The following RGS5 variants were observed in gnomAD, a reference collection of about 807,000 sequenced individuals.
The protein encoded by RGS5 is regulator of G protein signaling 5, also known as regulator of G-protein signalling 5.
A neutral mutation model predicts 18.9 loss-of-function variants in RGS5; 20 were observed. The observed-to-expected ratio is 1.06, with a 90% confidence interval of 0.74 to 1.54. RGS5 has a LOEUF of 1.54. Ranked by LOEUF, RGS5 falls within the 40% of genes most tolerant of loss-of-function variation. The probability of loss-of-function intolerance (pLI) is 0.00; values close to 1 mark genes in which losing one functional copy is unlikely to be tolerated. For missense variants in RGS5, 201 were observed against 211.8 expected (o/e 0.95, Z 0.32); for synonymous variants, 57 against 76.2 (o/e 0.75, Z 1.31).
At chr1:163,197,236 G>T (rs1659594532) in intron 1 of RGS5, among the ~76,000 whole-genome samples, 1 of 152,180 alleles carries the variant, frequency 6.6e-6, no homozygotes, top group Admixed American at 6.5e-5. Flanking sequence ...AATTGGCTGT[G>T]CCCGCCCATC....
chr1:163,144,911 T>G lies in RGS5; in HGVS notation c.*2431A>C, dbSNP rs1284311923. 6.6e-6 allele frequency: 1 copy of G among 152,268 alleles called. No homozygotes were observed. The highest frequency in any genetic ancestry group is 2.4e-5 in the African/African-American group (1 of 41,434). The allele number at this position is 152,268 out of a possible 1,614,324, so 9.4% of individuals were successfully genotyped here. On this transcript the variant is annotated 3_prime_UTR_variant, in exon 5 of 5. Coordinates refer to ENST00000313961, the MANE Select transcript of RGS5 (RefSeq NM_003617.4). ...ATTCTTTTTAATTTTTTTACTTCAT[T>G]TATTAGAAGAGTTTCTAATATGTGT... is the stretch of plus-strand genomic sequence containing the variant.
At chr1:163,256,065 C>G (rs1466775618) in intron 2 of RGS5, among the ~76,000 whole-genome samples, 1 of 152,170 alleles carries the variant, frequency 6.6e-6, no homozygotes, top group Admixed American at 6.5e-5. Flanking sequence ...CAGGGATGCC[C>G]TCTCTCACCA....
intron 2 of RGS5, among the ~76,000 whole-genome samples, chr1:163,299,358 G>C (rs938526528): frequency 3.9e-5 from 6 of 152,016 alleles, no homozygotes; most frequent in Non-Finnish European, 8.8e-5. Context: ...AAATTTTGAG[G>C]GCTTCAGCCA....
chr1:163,162,644 A>G (rs1657855584), intron 2 of RGS5: 1 of 152,118 alleles, frequency 6.6e-6, no homozygotes, highest in Non-Finnish European at 1.5e-5. Flanking sequence ...GGAATGTTAT[A>G]CACAAATGCT....
intron 2 of RGS5, among the ~76,000 whole-genome samples, chr1:163,226,017 T>C (rs953681946): frequency 1.3e-5 from 2 of 151,446 alleles, no homozygotes; most frequent in Non-Finnish European, 2.9e-5. Flanking sequence ...ACCTCCCGGG[T>C]TCAAAGTATT....
At position 163,179,399 on chromosome 1, in the gene RGS5, T is replaced by C. The variant is rs535645616; in HGVS notation, c.45-11031A>G. On this transcript the variant is annotated intron_variant, in intron 1 of 4. Transcript: ENST00000313961. Reference sequence around the variant, plus strand: ...AACACTAATATTAGTGCCCAGCACATGTACTATGGTACTCCATAAGTGGCA... The same window carrying C: ...AACACTAATATTAGTGCCCAGCACACGTACTATGGTACTCCATAAGTGGCA... Among the ~76,000 whole-genome samples the C allele has an allele frequency of 2.0e-5, 3 of 152,370 alleles. No homozygotes were observed. In the South Asian group the frequency reaches 6.2e-4, roughly 32 times the overall value.
intron 1 of RGS5, among the ~76,000 whole-genome samples, chr1:163,209,932 C>T (rs1660061426): frequency 6.6e-6 from 1 of 151,914 alleles, no homozygotes; most frequent in Admixed American, 6.6e-5. Context: ...AGTGTTTCCT[C>T]AATAAGTATG....
chr1:163,242,256 C>A (rs565475756), intron 2 of RGS5, among the ~76,000 whole-genome samples: 1 of 152,198 alleles, frequency 6.6e-6, no homozygotes, highest in East Asian at 1.9e-4. Flanking sequence ...ACATTTTGGC[C>A]ATTTCATAGC....
intron 1 of RGS5, among the ~76,000 whole-genome samples, chr1:163,177,648 T>A (rs1391825106): frequency 1.3e-5 from 2 of 152,152 alleles, no homozygotes; most frequent in Non-Finnish European, 2.9e-5. Context: ...TTCCTTAATC[T>A]AGGTGCAAGG....
At chr1:163,267,637 G>A (rs987899349) in intron 2 of RGS5, among the ~76,000 whole-genome samples, 1 of 152,120 alleles carries the variant, frequency 6.6e-6, no homozygotes, top group African/African-American at 2.4e-5. Flanking sequence ...CTCCTATTGT[G>A]AGTCTGCTCC....
At chr1:163,153,290 A>G (rs1657451248) in intron 3 of RGS5, among the ~76,000 whole-genome samples, 1 of 152,194 alleles carries the variant, frequency 6.6e-6, no homozygotes, top group African/African-American at 2.4e-5. Context: ...TGGAGCTTAT[A>G]GATTCTGGAA....
intron 2 of RGS5, among the ~76,000 whole-genome samples, chr1:163,299,630 G>T (rs1237354144): frequency 6.6e-6 from 1 of 152,232 alleles, no homozygotes. Flanking sequence ...ATGTGAACGT[G>T]CTGCTGCTTT....
At chr1:163,306,582 G>C (rs1165329982) in intron 1 of RGS5, among the ~76,000 whole-genome samples, 4 of 152,164 alleles carry the variant, frequency 2.6e-5, no homozygotes, top group African/African-American at 4.8e-5. Flanking sequence ...TCCTCTAAAA[G>C]AGATATGTTG....
intron 2 of RGS5, among the ~76,000 whole-genome samples, chr1:163,263,904 T>G (rs1015200292): frequency 6.6e-6 from 1 of 151,346 alleles, no homozygotes; most frequent in Non-Finnish European, 1.5e-5. Context: ...CTGACATTTT[T>G]GTCCAGGTGT....
rs1044247757 is a variant in RGS5, at chr1:163,161,917, T to C, written c.215A>G (p.Asn72Ser). The change falls in exon 3 of 5, where the codon AAC becomes AGC. Residue 72 changes from asparagine to serine, a missense_variant and splice_region_variant. Asn to Ser is a conservative substitution (Grantham distance 46). Transcript: ENST00000313961. Reference protein sequence around the residue: ...RDSLDKLLQNNYGLASFKSFL... With the variant: ...RDSLDKLLQNSYGLASFKSFL... ...AAAAACAAACAATGGAAACTTACAGTTGTTCTGCAGGAGTTTGTCCAGGGA... is the reference window on the plus strand; with the variant it reads ...AAAAACAAACAATGGAAACTTACAGCTGTTCTGCAGGAGTTTGTCCAGGGA... 6.2e-7 allele frequency: 1 copy of C among 1,612,582 alleles called. No individual in the cohort carries two copies. Among genetic ancestry groups the C allele is most frequent in the African/African-American group, 1.3e-5 (1 of 74,876 alleles).
rs1322892093 is a variant in RGS5 at position 163,146,391 on chromosome 1, T to C, written c.*951A>G. 6.6e-6 allele frequency: 1 copy of C among 152,168 alleles called. No individual in the cohort carries two copies. The highest frequency in any genetic ancestry group is 2.4e-5 in the African/African-American group (1 of 41,442). The allele number at this position is 152,168 out of a possible 1,614,324, so 9.4% of individuals were successfully genotyped here. On this transcript the variant is annotated 3_prime_UTR_variant, in exon 5 of 5. Coordinates refer to ENST00000313961, the MANE Select transcript of RGS5 (RefSeq NM_003617.4). ...TATGATAATAGCATCATAGGACAATTAGCCATTTTAGACTTGACCATATTT... is the reference window on the plus strand; with the variant it reads ...TATGATAATAGCATCATAGGACAATCAGCCATTTTAGACTTGACCATATTT...
At chr1:163,235,238 AC>A in intron 2 of RGS5, among the ~76,000 whole-genome samples, 1 of 152,212 alleles carries the variant, frequency 6.6e-6, no homozygotes, top group African/African-American at 2.4e-5. Flanking sequence ...CGGTCCAGAT[AC>A]TGGTGAGGCA....
chr1:163,266,585 T>C (rs1018261810), intron 2 of RGS5: 1 of 152,160 alleles, frequency 6.6e-6, no homozygotes, highest in Non-Finnish European at 1.5e-5. Context: ...TAATGCTTAT[T>C]CATTCTTCAA....
chr1:163,272,536 T>C (rs1322698872), intron 2 of RGS5, among the ~76,000 whole-genome samples: 1 of 152,162 alleles, frequency 6.6e-6, no homozygotes, highest in Admixed American at 6.5e-5. Context: ...ATTTTATAGA[T>C]TTAACTTTTA....
Sources: allele counts gnomAD v4.1 joint callset (sites outside exome capture counted in the v4.1 genomes callset), GRCh38; gene constraint gnomAD v4.1.1; transcripts MANE v1.5; gene names NCBI Gene and HGNC (gene_info 2026-07-23, HGNC 2026-07-21).